CACNA2D2: variants seen among roughly 807,000 people sequenced by gnomAD.
CACNA2D2 encodes voltage-dependent calcium channel subunit alpha-2/delta-2.
CACNA2D2 carries 48 observed loss-of-function variants against 166.4 expected under a neutral mutation model. The observed-to-expected ratio is 0.29, with a 90% CI of 0.23 to 0.37. The LOEUF (loss-of-function observed/expected upper bound fraction) is 0.37. CACNA2D2 is among the 10% of genes least tolerant of loss of function. CACNA2D2 has a pLI of 1.00. For synonymous variants in CACNA2D2, 561 were observed against 573.7 expected, an observed-to-expected ratio of 0.98 and a Z score of 0.32; for missense variants, 1,122 against 1,433.0, an observed-to-expected ratio of 0.78 and a Z score of 3.50.
chr3:50,366,093 C>T lies in CACNA2D2; in HGVS notation c.2780G>A (p.Arg927His), dbSNP rs761523126. The stretch of plus-strand genomic sequence containing the variant: ...TGCCTGATAGTCATAGGACTCCTTG[C>T]GGGTGTAGAAGGAGTTATTGTAGAG... ...LALYNNSFYT[R>H]KESYDYQAAC... Residue 927 changes from arginine (R) to histidine (H), a missense_variant, in exon 32 of 38, where the codon CGC (arginine) becomes CAC (histidine). This residue lies in a region of CACNA2D2 where 840 missense variants were observed against 1,166.8 expected (regional missense o/e 0.72). Transcript: ENST00000424201. This position sits in a 1 kb window ranked among gnomAD's most constrained non-coding sequence, Gnocchi z 5.9. 16 of 1,613,692 alleles carry T rather than the reference C, an allele frequency of 9.9e-6. No individual in the cohort carries two copies. The highest frequency in any genetic ancestry group is 5.3e-5 in the African/African-American group (4 of 74,860).
chr3:50,495,235 T>C (rs1256774762), intron 1 of CACNA2D2, among the ~76,000 whole-genome samples: 1 of 152,168 alleles, frequency 6.6e-6, no homozygotes. Flanking sequence ...CAGGGACGCA[T>C]GCAAAGCCCA....
chr3:50,461,715 C>A (rs1709588453), intron 2 of CACNA2D2, among the ~76,000 whole-genome samples: 1 of 136,644 alleles, frequency 7.3e-6, no homozygotes, highest in Non-Finnish European at 1.5e-5. Context: ...GAGCCGAGAT[C>A]ATGCCACTGC....
chr3:50,447,916 G>A (rs1274864172), intron 2 of CACNA2D2, among the ~76,000 whole-genome samples: 2 of 152,168 alleles, frequency 1.3e-5, no homozygotes, highest in African/African-American at 4.8e-5. Context: ...GTGCCCCACA[G>A]AGGTCTAAGC....
chr3:50,460,617 G>A (rs1348930410), intron 2 of CACNA2D2, among the ~76,000 whole-genome samples: 1 of 152,152 alleles, frequency 6.6e-6, no homozygotes, highest in Non-Finnish European at 1.5e-5. Flanking sequence ...CACTTTGGGA[G>A]GCCGAGACAG....
rs1056880302 is a variant in CACNA2D2, at chr3:50,375,472, A to G, written c.1907+172T>C. Among the ~76,000 whole-genome samples, 1 of 152,160 alleles carries G rather than the reference A, an allele frequency of 6.6e-6. No individual in the cohort carries two copies. The highest frequency in any genetic ancestry group is 2.4e-5 in the African/African-American group (1 of 41,428). On this transcript the variant is annotated intron_variant, in intron 21 of 37. Coordinates refer to ENST00000424201, the MANE Select transcript of CACNA2D2 (RefSeq NM_006030.4). The surrounding 1 kb of genome is among the most constrained non-coding windows in gnomAD (Gnocchi z 4.0). Reference sequence around the variant, plus strand: ...CTCTCAGACCTGCTGCTTGTTCCTTAAAAGCCAGGGAGTCTCTTGGCAGAC... The same window carrying G: ...CTCTCAGACCTGCTGCTTGTTCCTTGAAAGCCAGGGAGTCTCTTGGCAGAC...
intron 21 of CACNA2D2, 123 bp from the exon 22 acceptor site, chr3:50,374,936 A>C: frequency 5.1e-6 from 4 of 779,916 alleles, no homozygotes; most frequent in South Asian, 3.2e-5. Flanking sequence ...ACCACCAGGG[A>C]CCCCTCTCCC....
intron 3 of CACNA2D2, among the ~76,000 whole-genome samples, chr3:50,424,060 C>T (rs1177937123): frequency 4.6e-5 from 7 of 152,276 alleles, no homozygotes; most frequent in Admixed American, 4.6e-4. Flanking sequence ...TGCGGCCATA[C>T]CTGTTCCAAC....
chr3:50,411,763 T>C (rs1478986961), intron 3 of CACNA2D2, among the ~76,000 whole-genome samples: 1 of 152,174 alleles, frequency 6.6e-6, no homozygotes, highest in Non-Finnish European at 1.5e-5. Flanking sequence ...AGCTGCAGCC[T>C]GAGATGGTCA....
chr3:50,374,602 G>A (rs1472053206), intron 22 of CACNA2D2, 135 bp downstream of exon 22: 3 of 870,210 alleles, frequency 3.4e-6, no homozygotes, highest in African/African-American at 3.4e-5. Context: ...CCCAGCCTGC[G>A]GGCACCTGAG....
chr3:50,375,915 T>G lies in CACNA2D2; in HGVS notation c.1774-35A>C. 1 of 1,612,828 alleles carries G rather than the reference T, an allele frequency of 6.2e-7. No individual in the cohort carries two copies. The highest frequency in any genetic ancestry group is 8.5e-7 in the Non-Finnish European group (1 of 1,179,766). On this transcript the variant is annotated intron_variant, in intron 19 of 37. Transcript: ENST00000424201. The surrounding 1 kb of genome is among the most constrained non-coding windows in gnomAD (Gnocchi z 4.0). Reference sequence around the variant, plus strand: ...CCAGAGATGTGAGGGGCAGGGCCCCTACACTCCTCTGCTCTGTCCCCCACC... The same window carrying G: ...CCAGAGATGTGAGGGGCAGGGCCCCGACACTCCTCTGCTCTGTCCCCCACC...
intron 2 of CACNA2D2, among the ~76,000 whole-genome samples, chr3:50,436,350 A>G (rs901986407): frequency 5.3e-5 from 8 of 152,186 alleles, no homozygotes; most frequent in South Asian, 2.1e-4. Context: ...TGGGCTGTCC[A>G]TGGCTGTGTA....
chr3:50,422,689 T>C (rs2106845090), intron 3 of CACNA2D2, among the ~76,000 whole-genome samples: 1 of 152,302 alleles, frequency 6.6e-6, no homozygotes, highest in Middle Eastern at 3.4e-3. Context: ...CATCTACAGA[T>C]GGGGAAACTG....
At chr3:50,382,703 T>G (rs587696292) in intron 6 of CACNA2D2, among the ~76,000 whole-genome samples, 1 of 152,364 alleles carries the variant, frequency 6.6e-6, no homozygotes, top group Non-Finnish European at 1.5e-5. Flanking sequence ...CTCCAGAGTT[T>G]CACACAGTAC....
intron 22 of CACNA2D2, among the ~76,000 whole-genome samples, chr3:50,371,347 T>TGC (rs1491298178): frequency 4.7e-5 from 5 of 106,642 alleles, no homozygotes; most frequent in Middle Eastern, 4.6e-3. Flanking sequence ...TGAGCATGCA[T>TGC]GTGTGTGTGT....
intron 3 of CACNA2D2, among the ~76,000 whole-genome samples, chr3:50,398,504 C>T (rs1189800746): frequency 6.6e-6 from 1 of 152,188 alleles, no homozygotes; most frequent in Non-Finnish European, 1.5e-5. Flanking sequence ...TGAATGTCTG[C>T]TAAATGAAAA....
At position 50,376,585 on chromosome 3, in the gene CACNA2D2, G is replaced by A. The variant is rs896448027; in HGVS notation, c.1627-397C>T. On this transcript the variant is annotated intron_variant, in intron 17 of 37. Coordinates refer to ENST00000424201, the MANE Select transcript of CACNA2D2 (RefSeq NM_006030.4). This position sits in a 1 kb window ranked among gnomAD's most constrained non-coding sequence, Gnocchi z 4.3. ...CCTCCTCCTTGTCCCCACGTCAAGA[G>A]AGAGCAGCGGGACGAGTGGACCCTT... 3.2e-4 allele frequency among the ~76,000 whole-genome samples: 48 copies of A among 152,198 alleles called. No individual in the cohort carries two copies. The highest frequency in any genetic ancestry group is 2.4e-4 in the Non-Finnish European group (16 of 68,036).
intron 1 of CACNA2D2, among the ~76,000 whole-genome samples, chr3:50,491,507 C>T (rs894540286): frequency 6.6e-6 from 1 of 152,182 alleles, no homozygotes; most frequent in Non-Finnish European, 1.5e-5. Flanking sequence ...AGTTGCTCTG[C>T]CCACGTACTG....
At chr3:50,498,769 C>T (rs1283880187) in intron 1 of CACNA2D2, among the ~76,000 whole-genome samples, 1 of 152,230 alleles carries the variant, frequency 6.6e-6, no homozygotes, top group Non-Finnish European at 1.5e-5. Context: ...TATCCTAGGC[C>T]TCTTCATTTT....
At chr3:50,501,613 G>T (rs1698967131) in intron 1 of CACNA2D2, among the ~76,000 whole-genome samples, 2 of 152,196 alleles carry the variant, frequency 1.3e-5, no homozygotes, top group African/African-American at 4.8e-5. Flanking sequence ...CTGACCAACT[G>T]CACGTTGCAG....
Sources: gnomAD v4.1 joint callset for allele counts (sites outside exome capture counted in the v4.1 genomes callset) on GRCh38, gnomAD v4.1.1 for gene constraint, gnomAD v4.1.1 regional missense constraint, Gnocchi (gnomAD v3.1) non-coding constraint, MANE v1.5 for transcripts, NCBI Gene and HGNC (gene_info 2026-07-23, HGNC 2026-07-21) for gene names.